Variants in CNTNAP2 observed in about 807,000 individuals in gnomAD.
The protein encoded by CNTNAP2 is contactin-associated protein-like 2.
CNTNAP2 carries 98 observed loss-of-function variants against 155.2 expected under a neutral mutation model. The ratio of observed to expected loss-of-function variants is 0.63; its 90% confidence interval spans 0.54 to 0.75. The LOEUF (loss-of-function observed/expected upper bound fraction) is 0.75, where lower values mean the gene tolerates loss of function less well. Among genes scored for constraint, CNTNAP2 ranks in the 30% least tolerant of loss-of-function variants. CNTNAP2 has a pLI of 0.00. For missense variants in CNTNAP2, 1,727 were observed against 1,688.1 expected (o/e 1.02, Z -0.40); for synonymous variants, 651 against 631.2 (o/e 1.03, Z -0.47).
chr7:146,698,602 T>A (rs1042841767), intron 1 of CNTNAP2, among the ~76,000 whole-genome samples: 1 of 152,158 alleles, frequency 6.6e-6, no homozygotes, highest in South Asian at 2.1e-4. Context: ...GATTTTTAAC[T>A]GTTTATCAGA....
intron 21 of CNTNAP2, among the ~76,000 whole-genome samples, chr7:148,314,867 C>T (rs1376659051): frequency 6.6e-6 from 1 of 152,138 alleles, no homozygotes; most frequent in African/African-American, 2.4e-5. Context: ...AGACTGTCTT[C>T]CCCAGTCCGT....
chr7:147,987,732 T>C lies in CNTNAP2; in HGVS notation c.2383+9743T>C, dbSNP rs1007019404. On this transcript the variant is annotated intron_variant, in intron 15 of 23. Transcript: ENST00000361727. ...TTTTTTGAGACAGAGTCTTGCTCTG[T>C]TGCCCAGGCTAGAGTGCAGTGGCAT... is the stretch of plus-strand genomic sequence containing the variant. Among the ~76,000 whole-genome samples, 10 of 152,302 alleles carry C rather than the reference T, an allele frequency of 6.6e-5. No individual in the cohort carries two copies. The East Asian group carries it at 1.9e-3, about 29-fold the overall frequency.
At chr7:147,785,454 A>C (rs1412953544) in intron 13 of CNTNAP2, among the ~76,000 whole-genome samples, 1 of 152,132 alleles carries the variant, frequency 6.6e-6, no homozygotes, top group African/African-American at 2.4e-5. Flanking sequence ...ATTTGGTAGA[A>C]TAATAGGTGG....
At chr7:148,265,491 T>C (rs1678934271) in intron 20 of CNTNAP2, among the ~76,000 whole-genome samples, 1 of 152,100 alleles carries the variant, frequency 6.6e-6, no homozygotes, top group South Asian at 2.1e-4. Context: ...CCCAGGCTGG[T>C]CTTGTACTCC....
chr7:147,721,848 C>A (rs1796571893), intron 13 of CNTNAP2, among the ~76,000 whole-genome samples: 1 of 152,076 alleles, frequency 6.6e-6, no homozygotes, highest in South Asian at 2.1e-4. Context: ...AATCTATATA[C>A]CTCCATCATT....
chr7:147,305,211 C>T (rs1795006516), intron 9 of CNTNAP2, among the ~76,000 whole-genome samples: 1 of 152,090 alleles, frequency 6.6e-6, no homozygotes. Context: ...TTAGGTTGTG[C>T]AAAACCAGTT....
chr7:147,451,922 T>C (rs1181124003), intron 10 of CNTNAP2, among the ~76,000 whole-genome samples: 3 of 152,212 alleles, frequency 2.0e-5, no homozygotes, highest in Admixed American at 6.5e-5. Context: ...TTGCCGTCTC[T>C]TGCTCTTCCA....
intron 3 of CNTNAP2, among the ~76,000 whole-genome samples, chr7:146,983,417 A>G (rs928164580): frequency 6.6e-6 from 1 of 152,152 alleles, no homozygotes; most frequent in Non-Finnish European, 1.5e-5. Flanking sequence ...TTTAGAAAAC[A>G]TAGACAAAAA....
intron 10 of CNTNAP2, among the ~76,000 whole-genome samples, chr7:147,434,918 T>C (rs1336384909): frequency 6.6e-6 from 1 of 152,200 alleles, no homozygotes; most frequent in Non-Finnish European, 1.5e-5. Context: ...ATGCCACACA[T>C]CATCTTTTGT....
rs79419002 is a variant in CNTNAP2, at chr7:146,494,587, G to A, written c.98-279684G>A. Among the ~76,000 whole-genome samples the A allele has an allele frequency of 1.3e-3, 202 of 152,100 alleles. 3 individuals carry two copies. The East Asian group carries it at 0.03, about 23-fold the overall frequency. ...ACAGCATGAGACTTGAATCTGAAAG[G>A]CAAATAACCAACAGTTAGGAGGGTA... On this transcript the variant is annotated intron_variant, in intron 1 of 23. Coordinates refer to ENST00000361727, the MANE Select transcript of CNTNAP2 (RefSeq NM_014141.6).
At chr7:147,694,195 T>G (rs1796130343) in intron 13 of CNTNAP2, among the ~76,000 whole-genome samples, 1 of 152,088 alleles carries the variant, frequency 6.6e-6, no homozygotes, top group African/African-American at 2.4e-5. Flanking sequence ...TTGCATATCT[T>G]TAATAAATCA....
At chr7:148,025,800 T>C (rs1469809283) in intron 15 of CNTNAP2, among the ~76,000 whole-genome samples, 1 of 152,188 alleles carries the variant, frequency 6.6e-6, no homozygotes, top group Non-Finnish European at 1.5e-5. Context: ...ATCTTAAGCC[T>C]AATGAATGAA....
intron 4 of CNTNAP2, among the ~76,000 whole-genome samples, chr7:147,088,981 A>G (rs1171701526): frequency 6.6e-6 from 1 of 151,436 alleles, no homozygotes; most frequent in Non-Finnish European, 1.5e-5. Context: ...AGAGAAAGAG[A>G]GAAAGAGAGA....
rs562219264 is a variant in CNTNAP2 at position 148,118,239 on chromosome 7, G to A, written c.2505G>A (p.Val835=). The A allele has an allele frequency of 3.1e-6, 5 of 1,614,168 alleles. No individual in the cohort carries two copies. The South Asian group carries it at 5.5e-5, about 18-fold the overall frequency. ...TCAAAACATTAACCCCCTGGGGAGT[G>A]TTTCTTGAAAATATGGGAAAGGAAG... ...FYFKTLTPWG[V]FLENMGKEDF... is the part of the protein sequence containing the mutation. Residue 835 remains valine, a synonymous_variant, in exon 16 of 24, where the codon GTG becomes GTA. Coordinates refer to ENST00000361727, the MANE Select transcript of CNTNAP2 (RefSeq NM_014141.6).
At chr7:146,903,398 T>A (rs1052003226) in intron 3 of CNTNAP2, among the ~76,000 whole-genome samples, 3 of 152,132 alleles carry the variant, frequency 2.0e-5, no homozygotes, top group Non-Finnish European at 2.9e-5. Flanking sequence ...ATAATTTCAT[T>A]TGCATGTAAT....
intron 3 of CNTNAP2, among the ~76,000 whole-genome samples, chr7:147,006,708 C>A (rs1798531402): frequency 6.6e-6 from 1 of 151,958 alleles, no homozygotes; most frequent in South Asian, 2.1e-4. Flanking sequence ...TATAAAATAT[C>A]TTCATATACA....
rs1370777799 is a variant in CNTNAP2 at position 146,875,956 on chromosome 7, AAAAAAC to A, written c.402+36058_402+36063del. ...CAGCAAAAAAAAAAAAAAAAAAAAAAAAAAACAAAAAACAAAAAAACGAGAAGAAGA... is the reference window on the plus strand; with the variant it reads ...CAGCAAAAAAAAAAAAAAAAAAAAAAAAAAAACAAAAAAACGAGAAGAAGA... On this transcript the variant is annotated intron_variant, in intron 3 of 23. Transcript: ENST00000361727. Among the ~76,000 whole-genome samples, 66 of 143,844 alleles carry A rather than the reference AAAAAAC, an allele frequency of 4.6e-4. 1 individual carries two copies. The highest frequency in any genetic ancestry group is 1.6e-3 in the African/African-American group (58 of 36,180). The allele number at this position is 143,844 out of a possible 152,430, so 94.4% of individuals were successfully genotyped here. A position where few individuals can be genotyped will look rare whatever the true frequency, so the allele number is the denominator to read the frequency against.
chr7:146,649,450 A>G (rs1799868634), intron 1 of CNTNAP2, among the ~76,000 whole-genome samples: 1 of 152,178 alleles, frequency 6.6e-6, no homozygotes, highest in Non-Finnish European at 1.5e-5. Flanking sequence ...GATTAATTTC[A>G]TATAGCTACA....
intron 3 of CNTNAP2, among the ~76,000 whole-genome samples, chr7:147,017,565 C>G (rs923420089): frequency 1.1e-4 from 17 of 151,848 alleles, no homozygotes; most frequent in Admixed American, 4.6e-4. Context: ...TTCTTAACTT[C>G]TTTTTTAAAA....
Sources: allele counts gnomAD v4.1 joint callset (sites outside exome capture counted in the v4.1 genomes callset), GRCh38; gene constraint gnomAD v4.1.1; transcripts MANE v1.5; gene names NCBI Gene and HGNC (gene_info 2026-07-23, HGNC 2026-07-21).